ERC2: variants seen among roughly 807,000 people sequenced by gnomAD.
The protein encoded by ERC2 is ELKS/RAB6-interacting/CAST family member 2, also known as ERC protein 2.
Under a neutral mutation model 114.8 loss-of-function variants are expected in ERC2, and 42 were observed. The ratio of observed to expected loss-of-function variants is 0.37; its 90% CI spans 0.29 to 0.47. The LOEUF (loss-of-function observed/expected upper bound fraction) is 0.47, where lower values mean the gene tolerates loss of function less well. Ranked by LOEUF, ERC2 falls within the 20% of genes least tolerant of loss-of-function variation. ERC2 has a pLI of 0.99. For missense variants in ERC2, 939 were observed against 1,150.7 expected (o/e 0.82, Z 2.66); for synonymous variants, 454 against 425.5 (o/e 1.07, Z -0.82).
rs146328883 is a variant in ERC2 at position 56,149,276 on chromosome 3, A to T, written c.1150-144T>A. On this transcript the variant is annotated intron_variant, in intron 4 of 17. Coordinates refer to ENST00000288221, the MANE Select transcript of ERC2 (RefSeq NM_015576.3). Reference sequence around the variant, plus strand: ...GACAGCCCTGAATTTAGGACAACTTATTTTTTTTCACAGCTGAGGGTCATT... The same window carrying T: ...GACAGCCCTGAATTTAGGACAACTTTTTTTTTTTCACAGCTGAGGGTCATT... 612 of 730,708 alleles carry T rather than the reference A, an allele frequency of 8.4e-4. 2 individuals are homozygous for T. Among genetic ancestry groups the T allele is most frequent in the African/African-American group, 4.8e-3 (269 of 56,332 alleles). 45.3% of individuals were successfully genotyped at this position (730,708 alleles called of 1,614,324 possible).
At chr3:55,982,331 A>T (rs112875083) in intron 12 of ERC2, among the ~76,000 whole-genome samples, 394 of 152,274 alleles carry the variant, frequency 2.6e-3, no homozygotes, top group African/African-American at 9.2e-3. Flanking sequence ...AGGGGGTAAA[A>T]AAACCAATGC....
chr3:56,230,913 A>T (rs1288195241), intron 3 of ERC2, among the ~76,000 whole-genome samples: 1 of 152,222 alleles, frequency 6.6e-6, no homozygotes, highest in Non-Finnish European at 1.5e-5. Flanking sequence ...ATTTCACCCA[A>T]GTGATAAGAA....
chr3:56,266,486 CA>C (rs755773808), intron 3 of ERC2, among the ~76,000 whole-genome samples: 1 of 151,904 alleles, frequency 6.6e-6, no homozygotes. Flanking sequence ...CCAAATAAGT[CA>C]AAAAATAGTC....
intron 3 of ERC2, among the ~76,000 whole-genome samples, chr3:56,225,706 TACA>T (rs996169069): frequency 1.5e-4 from 23 of 152,208 alleles, no homozygotes; most frequent in Admixed American, 1.2e-3. Flanking sequence ...TCTCCCTCAT[TACA>T]ACAAGTGATA....
intron 2 of ERC2, among the ~76,000 whole-genome samples, chr3:56,417,911 CATCTGAT>C (rs2061230841): frequency 6.6e-6 from 1 of 152,126 alleles, no homozygotes; most frequent in Non-Finnish European, 1.5e-5. Flanking sequence ...GGGTAGGAAA[CATCTGAT>C]AAGTGTTAAG....
intron 14 of ERC2, among the ~76,000 whole-genome samples, chr3:55,801,418 C>T (rs943708055): frequency 2.0e-5 from 3 of 152,198 alleles, no homozygotes; most frequent in Non-Finnish European, 4.4e-5. Context: ...AAGTCAGGTG[C>T]ATGCTTCTTC....
intron 6 of ERC2, among the ~76,000 whole-genome samples, chr3:56,106,093 C>G (rs935748086): frequency 9.9e-5 from 15 of 152,160 alleles, no homozygotes; most frequent in African/African-American, 3.6e-4. Flanking sequence ...TTATGAAGAT[C>G]CAAACTGTAT....
chr3:55,720,330 A>AAGCTGAG (rs1269720176), intron 15 of ERC2, among the ~76,000 whole-genome samples: 1 of 123,284 alleles, frequency 8.1e-6, no homozygotes, highest in African/African-American at 3.3e-5. Context: ...TCTGTTGCTC[A>AAGCTGAG]AGCTGAGTGC....
At chr3:56,064,182 G>C (rs1220309810) in intron 7 of ERC2, among the ~76,000 whole-genome samples, 2 of 152,106 alleles carry the variant, frequency 1.3e-5, no homozygotes, top group African/African-American at 4.8e-5. Flanking sequence ...CTGACTACCT[G>C]ACATTTCATA....
At chr3:56,346,762 A>G (rs1360866666) in intron 2 of ERC2, among the ~76,000 whole-genome samples, 2 of 152,172 alleles carry the variant, frequency 1.3e-5, no homozygotes, top group East Asian at 1.9e-4. Context: ...AAGAGAAGAA[A>G]TTTATTTCTC....
intron 2 of ERC2, among the ~76,000 whole-genome samples, chr3:56,402,633 G>A (rs1430737855): frequency 2.0e-5 from 3 of 152,134 alleles, no homozygotes; most frequent in Non-Finnish European, 4.4e-5. Flanking sequence ...TGTGTATTAA[G>A]CTTTGCATAT....
intron 12 of ERC2, among the ~76,000 whole-genome samples, chr3:55,981,355 T>A (rs2070119490): frequency 6.6e-6 from 1 of 152,248 alleles, no homozygotes; most frequent in African/African-American, 2.4e-5. Context: ...GACCTGTGGA[T>A]AACCCCTTCA....
intron 2 of ERC2, among the ~76,000 whole-genome samples, chr3:56,322,207 T>C (rs1289599196): frequency 1.3e-5 from 2 of 152,226 alleles, no homozygotes; most frequent in African/African-American, 4.8e-5. Context: ...TTCATAGCAG[T>C]TGTTTATCAA....
intron 7 of ERC2, among the ~76,000 whole-genome samples, chr3:56,052,769 G>T (rs2075830762): frequency 6.6e-6 from 1 of 152,168 alleles, no homozygotes; most frequent in Non-Finnish European, 1.5e-5. Flanking sequence ...GAGAAGTGTT[G>T]CTGTTGCTTA....
intron 7 of ERC2, among the ~76,000 whole-genome samples, chr3:56,073,533 C>T (rs905134381): frequency 6.6e-6 from 1 of 152,160 alleles, no homozygotes; most frequent in African/African-American, 2.4e-5. Flanking sequence ...CCATGGCCAC[C>T]CTAGTTGTGA....
At chr3:55,955,944 C>T (rs1319586739) in intron 12 of ERC2, among the ~76,000 whole-genome samples, 1 of 152,172 alleles carries the variant, frequency 6.6e-6, no homozygotes, top group African/African-American at 2.4e-5. Flanking sequence ...GCCTAAGCTT[C>T]CTCACATATA....
At chr3:55,675,903 C>CTTCTT (rs2061775842) in intron 17 of ERC2, among the ~76,000 whole-genome samples, 3 of 47,994 alleles carry the variant, frequency 6.3e-5, no homozygotes, top group Non-Finnish European at 3.5e-5. Context: ...TCTTTTCTTT[C>CTTCTT]TTTTTTTTTT....
chr3:56,185,244 A>C (rs1325592592), intron 3 of ERC2: 2 of 152,204 alleles, frequency 1.3e-5, no homozygotes, highest in Non-Finnish European at 2.9e-5. Flanking sequence ...GGCAAGAACC[A>C]TGGAGTATTA....
chr3:55,583,836 A>G (rs992709226), intron 17 of ERC2, among the ~76,000 whole-genome samples: 21 of 151,632 alleles, frequency 1.4e-4, no homozygotes, highest in Non-Finnish European at 2.6e-4. Flanking sequence ...AGGGCAGCAG[A>G]GGGCTTAGAA....
Sources: gnomAD v4.1 joint callset for allele counts (sites outside exome capture counted in the v4.1 genomes callset) on GRCh38, gnomAD v4.1.1 for gene constraint, MANE v1.5 for transcripts, NCBI Gene and HGNC (gene_info 2026-07-23, HGNC 2026-07-21) for gene names.